The following SHROOM2 variants were observed in gnomAD, a reference collection of about 807,000 sequenced individuals.
SHROOM2 encodes shroom family member 2.
Under a neutral mutation model 75.9 loss-of-function variants are expected in SHROOM2, and 33 were observed. That is an observed-to-expected ratio of 0.43 (90% CI 0.33 to 0.58). The LOEUF is 0.58. SHROOM2 is among the 20% of genes least tolerant of loss of function. SHROOM2 has a pLI of 0.04. For missense variants in SHROOM2, 1,434 were observed against 1,461.2 expected, an observed-to-expected ratio of 0.98 and a Z score of 0.30; for synonymous variants, 655 against 663.6, an observed-to-expected ratio of 0.99 and a Z score of 0.20.
At chrX:9,888,830 T>A in intron 2 of SHROOM2, among the ~76,000 whole-genome samples, 1 of 112,281 alleles carries the variant, frequency 8.9e-6, no homozygotes, top group Non-Finnish European at 1.9e-5. Flanking sequence ...GGAGAACTTT[T>A]ATTGTACCCA....
intron 1 of SHROOM2, among the ~76,000 whole-genome samples, chrX:9,809,036 C>G (rs1468860495): frequency 1.8e-5 from 2 of 109,266 alleles, no homozygotes; most frequent in Non-Finnish European, 3.8e-5. Context: ...CATTAGTACT[C>G]CCTCCCCTTT....
Position 9,937,238 on chromosome X carries a change from G to A in SHROOM2, c.3692G>A (p.Cys1231Tyr). The change falls in exon 7 of 10, where the codon TGC (cysteine) becomes TAC (tyrosine). Residue 1231 changes from cysteine to tyrosine, a missense_variant. Cys to Tyr is a radical substitution (Grantham distance 194). Around this residue, in one of 3 missense-constraint regions of SHROOM2, gnomAD observed 1,340 missense variants for 1,338.3 expected, o/e 1.00. Transcript: ENST00000380913. ...PEKESRQSLA[C>Y]PAEPPALPHG... ...AAGGAGAGCCGCCAGAGCCTGGCAT[G>A]CCCCGCCGAGCCACCTGCCCTGCCC... 8.3e-7 allele frequency: 1 copy of A among 1,207,400 alleles called. No homozygotes were observed. The highest frequency in any genetic ancestry group is 2.3e-4 in the Middle Eastern group (1 of 4,347).
At chrX:9,811,477 C>T (rs1411252763) in intron 1 of SHROOM2, among the ~76,000 whole-genome samples, 4 of 112,327 alleles carry the variant, frequency 3.6e-5, no homozygotes, top group Non-Finnish European at 7.5e-5. Flanking sequence ...ATACAAATAT[C>T]TTCACAGTTT....
In SHROOM2 at chrX:9,892,692, C is replaced by T. The variant is rs147759996; in HGVS notation, c.449+1584C>T. On this transcript the variant is annotated intron_variant, in intron 3 of 9. Coordinates refer to ENST00000380913, the MANE Select transcript of SHROOM2 (RefSeq NM_001649.4). ...GGAGCATGCCCCGGGTTTGAGGATA[C>T]GTGGTCTGTTCTTACAGAAGATGGG... is the stretch of plus-strand genomic sequence containing the variant. Among the ~76,000 whole-genome samples the T allele has an allele frequency of 4.6e-3, 516 of 111,668 alleles. 1 individual carries two copies. Among genetic ancestry groups the T allele is most frequent in the African/African-American group, 0.016 (484 of 30,726 alleles).
chrX:9,825,678 G>A (rs1032119232), intron 1 of SHROOM2, among the ~76,000 whole-genome samples: 1 of 112,003 alleles, frequency 8.9e-6, no homozygotes, highest in Non-Finnish European at 1.9e-5. Context: ...GAGTGCTCGA[G>A]CTGCATTTAT....
intron 1 of SHROOM2, among the ~76,000 whole-genome samples, chrX:9,801,232 G>A (rs1371556639): frequency 8.9e-6 from 1 of 111,924 alleles, no homozygotes; most frequent in African/African-American, 3.3e-5. Context: ...AGAACAGTAT[G>A]GGGGAAACTG....
chrX:9,863,114 C>T (rs954068912), intron 1 of SHROOM2, among the ~76,000 whole-genome samples: 3 of 111,099 alleles, frequency 2.7e-5, no homozygotes, highest in African/African-American at 9.8e-5. Context: ...ACTCTTCTTC[C>T]GGTCCCGTCC....
chrX:9,834,262 G>A (rs1318883019), intron 1 of SHROOM2, among the ~76,000 whole-genome samples: 1 of 110,223 alleles, frequency 9.1e-6, no homozygotes, highest in African/African-American at 3.5e-5. Flanking sequence ...TGAGTCCCAT[G>A]CACCAGGAGA....
intron 1 of SHROOM2, among the ~76,000 whole-genome samples, chrX:9,792,007 AAT>A (rs2083653735): frequency 0.011 from 1 of 88 alleles, no homozygotes; most frequent in Non-Finnish European, 0.059. Flanking sequence ...AATAGAATAG[AAT>A]AGAATAGAAT....
intron 9 of SHROOM2, among the ~76,000 whole-genome samples, chrX:9,945,311 A>G (rs147113671): frequency 0.037 from 4,033 of 109,909 alleles, 76 homozygotes; most frequent in African/African-American, 0.069. Flanking sequence ...GGATTTCACT[A>G]TGTTGGCCAG....
intron 1 of SHROOM2, among the ~76,000 whole-genome samples, chrX:9,815,558 CCTATATCTATATCCTATAT>C (rs2083815793): frequency 1.1e-5 from 1 of 94,420 alleles, no homozygotes; most frequent in African/African-American, 3.9e-5. Context: ...CTATATCTAT[CCTATATCTATATCCTATAT>C]CTATATCTAT....
intron 2 of SHROOM2, chrX:9,874,644 G>T (rs1418142709): frequency 1.8e-5 from 2 of 111,342 alleles, no homozygotes; most frequent in African/African-American, 6.5e-5. Context: ...GAGGAACAAA[G>T]AAATCTGTAA....
intron 5 of SHROOM2, among the ~76,000 whole-genome samples, chrX:9,929,196 G>C (rs2084623875): frequency 9.1e-6 from 1 of 109,403 alleles, no homozygotes; most frequent in Admixed American, 9.9e-5. Context: ...CTTCGTTTGT[G>C]TTGTTGACCC....
In SHROOM2 at chrX:9,896,685, AC is replaced by A. The variant is rs764654644; in HGVS notation, c.2779del (p.His927ThrfsTer125). On this transcript the variant is annotated frameshift_variant, in exon 4 of 10. Transcript: ENST00000380913. LOFTEE classifies it high-confidence loss of function. ...AGGTCCCGGTCTTCACCGTCCACAG[AC>A]CACTACAAGCAGGTAAGCATGGAGC... ...HGRSRSSPST[D>X]HYKQEASVEL... The A allele has an allele frequency of 8.4e-7, 1 of 1,183,510 alleles. No homozygotes were observed. The highest frequency in any genetic ancestry group is 1.9e-5 in the South Asian group (1 of 52,603).
intron 5 of SHROOM2, among the ~76,000 whole-genome samples, chrX:9,914,136 T>G (rs1046191922): frequency 3.5e-5 from 3 of 86,101 alleles, no homozygotes; most frequent in South Asian, 7.5e-4. Context: ...GGAAAAAAAT[T>G]GCAGGGGAAT....
intron 1 of SHROOM2, among the ~76,000 whole-genome samples, chrX:9,806,203 C>CGT (rs1258976343): frequency 9.1e-6 from 1 of 110,484 alleles, no homozygotes; most frequent in Non-Finnish European, 1.9e-5. Flanking sequence ...TAGTGAGGAG[C>CGT]GTTAGGCTTA....
intron 1 of SHROOM2, among the ~76,000 whole-genome samples, chrX:9,840,453 G>A (rs2083973730): frequency 9.0e-6 from 1 of 110,885 alleles, no homozygotes; most frequent in Admixed American, 9.7e-5. Flanking sequence ...TTTTGTTGTC[G>A]AGACGGAGTT....
chrX:9,890,460 C>T (rs1432966324), intron 2 of SHROOM2, among the ~76,000 whole-genome samples: 1 of 113,734 alleles, frequency 8.8e-6, no homozygotes, highest in African/African-American at 3.2e-5. Flanking sequence ...GAACAAAAAT[C>T]TAAAAAGAAG....
chrX:9,817,875 A>G (rs2083831822), intron 1 of SHROOM2, among the ~76,000 whole-genome samples: 1 of 112,425 alleles, frequency 8.9e-6, no homozygotes, highest in Non-Finnish European at 1.9e-5. Context: ...CGATGATGTA[A>G]CATTTGAAAA....
Sources: allele counts gnomAD v4.1 joint callset (sites outside exome capture counted in the v4.1 genomes callset), GRCh38; gene constraint gnomAD v4.1.1; regional missense constraint gnomAD v4.1.1; transcripts MANE v1.5; gene names NCBI Gene and HGNC (gene_info 2026-07-23, HGNC 2026-07-21).